SHROOM4: variants seen among roughly 807,000 people sequenced by gnomAD.
SHROOM4 encodes the protein shroom family member 4.
In SHROOM4, 17 loss-of-function variants were observed where a neutral mutation model predicts 80.3. That is an observed-to-expected ratio of 0.21 (90% CI 0.14 to 0.32). The LOEUF (loss-of-function observed/expected upper bound fraction) is 0.32, where lower values mean the gene tolerates loss of function less well. Among genes scored for constraint, SHROOM4 ranks in the 10% least tolerant of loss-of-function variants. The pLI, the probability that SHROOM4 is intolerant of heterozygous loss-of-function variation, is 1.00. For synonymous variants in SHROOM4, 400 were observed against 437.5 expected, an observed-to-expected ratio of 0.91 and a Z score of 1.07; for missense variants, 993 against 1,140.3, an observed-to-expected ratio of 0.87 and a Z score of 1.86.
chrX:50,663,394 A>G (rs782011118), intron 2 of SHROOM4, among the ~76,000 whole-genome samples: 9 of 111,164 alleles, frequency 8.1e-5, no homozygotes, highest in South Asian at 3.8e-4. Flanking sequence ...TCACCTATTA[A>G]CTTGTCCTGT....
chrX:50,648,215 T>C (rs782638962), intron 2 of SHROOM4, among the ~76,000 whole-genome samples: 9 of 111,204 alleles, frequency 8.1e-5, no homozygotes, highest in Admixed American at 6.7e-4. Flanking sequence ...TGATTAGAGG[T>C]ATTTTGAAGA....
intron 1 of SHROOM4, among the ~76,000 whole-genome samples, chrX:50,704,210 T>C (rs1334810744): frequency 2.0e-4 from 22 of 111,866 alleles, no homozygotes; most frequent in African/African-American, 7.2e-4. Flanking sequence ...ATAAAAACAC[T>C]ATAAAGAGGA....
At chrX:50,576,236 G>A in the SHROOM4 span, among the ~76,000 whole-genome samples, 1 of 111,793 alleles carries the variant, frequency 8.9e-6, no homozygotes, top group Middle Eastern at 4.6e-3. Flanking sequence ...GTGCCACTGG[G>A]CCCAACTGGA....
rs782090933 is a variant in SHROOM4 at position 50,629,706 on chromosome X, A to G, written c.2896-2031T>C. ...ATCCCATACAATTGGTAAGTGAAAT[A>G]ATTTGACAATGAATGAAAAACAAGC... On this transcript the variant is annotated intron_variant, in intron 4 of 8. Transcript: ENST00000376020. Among the ~76,000 whole-genome samples, 9 of 111,758 alleles carry G rather than the reference A, an allele frequency of 8.1e-5. No homozygotes were observed. The South Asian group carries it at 3.0e-3, about 38-fold the overall frequency.
At position 50,596,763 on chromosome X, in the gene SHROOM4, T is replaced by C. The variant is rs782186292; in HGVS notation, c.4414A>G (p.Ile1472Val). ...IIEQRELEEK[I>V]KLGEEQLKCL... is the part of the protein sequence containing the mutation. ...TTGAGTTGCTCTTCCCCGAGCTTGATCTTCTCCTCCAGCTCTCGCTGTTCA... is the reference window on the plus strand; with the variant it reads ...TTGAGTTGCTCTTCCCCGAGCTTGACCTTCTCCTCCAGCTCTCGCTGTTCA... Residue 1472 changes from isoleucine to valine, a missense_variant, in exon 9 of 9, where the codon ATC (isoleucine) becomes GTC (valine). Physicochemically the swap from Ile to Val is conservative, Grantham distance 29. Transcript: ENST00000376020. The C allele has an allele frequency of 8.3e-7, 1 of 1,212,022 alleles. No individual in the cohort carries two copies. Among genetic ancestry groups the C allele is most frequent in the South Asian group, 1.8e-5 (1 of 56,981 alleles).
At chrX:50,630,814 G>A (rs1486025771) in intron 4 of SHROOM4, among the ~76,000 whole-genome samples, 4 of 111,598 alleles carry the variant, frequency 3.6e-5, no homozygotes, top group Non-Finnish European at 5.6e-5. Context: ...CAAATTTCTT[G>A]AAAGACACAA....
chrX:50,586,694 G>A (rs782285499), downstream of SHROOM4, among the ~76,000 whole-genome samples: 4 of 111,850 alleles, frequency 3.6e-5, no homozygotes, highest in Non-Finnish European at 7.5e-5. Context: ...CAACCTTTCT[G>A]TCTAAACTAC....
Position 50,607,796 on chromosome X carries a change from G to C in SHROOM4, c.3346C>G (p.Arg1116Gly), listed in dbSNP as rs200144471. ...TGCTGCTTCTGCTGCTGGGCTGCAC[G>C]AAAGAGCCTGTACTTCTCCCAGTTG... ...PPNWEKYRLF[R>G]AAQQQKQQQQ... The change falls in exon 6 of 9, where the codon CGT (arginine) becomes GGT (glycine). Residue 1116 changes from arginine to glycine, a missense_variant. Physicochemically the swap from Arg to Gly is moderately radical, Grantham distance 125. Coordinates refer to ENST00000376020, the MANE Select transcript of SHROOM4 (RefSeq NM_020717.5). 8.3e-7 allele frequency: 1 copy of C among 1,209,182 alleles called. No individual in the cohort carries two copies. Among genetic ancestry groups the C allele is most frequent in the Non-Finnish European group, 1.1e-6 (1 of 894,016 alleles).
At chrX:50,714,484 C>G (rs73199925) in intron 1 of SHROOM4, among the ~76,000 whole-genome samples, 49 of 111,642 alleles carry the variant, frequency 4.4e-4, no homozygotes, top group Non-Finnish European at 8.3e-4. Flanking sequence ...ACCCCAAATA[C>G]ACTGACTTGA....
chrX:50,657,899 G>A (rs1480257448), intron 2 of SHROOM4, among the ~76,000 whole-genome samples: 1 of 112,310 alleles, frequency 8.9e-6, no homozygotes, highest in Non-Finnish European at 1.9e-5. Context: ...CTCCCAAGGT[G>A]ATGGTATTAA....
chrX:50,698,155 T>C (rs1483669860), intron 1 of SHROOM4, among the ~76,000 whole-genome samples: 3 of 112,500 alleles, frequency 2.7e-5, no homozygotes, highest in African/African-American at 6.5e-5. Context: ...GCAAGATCTC[T>C]GTTTATTCTA....
At chrX:50,740,295 G>A (rs986566248) in intron 1 of SHROOM4, among the ~76,000 whole-genome samples, 4 of 109,575 alleles carry the variant, frequency 3.7e-5, no homozygotes, top group African/African-American at 1.3e-4. Context: ...AAACCTGCAC[G>A]TTGTGCACAT....
chrX:50,764,531 T>C (rs1005652288), intron 1 of SHROOM4, among the ~76,000 whole-genome samples: 14 of 111,167 alleles, frequency 1.3e-4, no homozygotes, highest in African/African-American at 3.9e-4. Flanking sequence ...AAGAGCTGGG[T>C]TGGGGAGAGG....
chrX:50,632,772 C>T lies in SHROOM4; in HGVS notation c.2895+406G>A, dbSNP rs5961143. On this transcript the variant is annotated intron_variant, in intron 4 of 8. Transcript: ENST00000376020. Reference sequence around the variant, plus strand: ...TGATTCTCACAAGTGATCCATGAGGCGGCCATGATATTCCTCCATTTTAGA... The same window carrying T: ...TGATTCTCACAAGTGATCCATGAGGTGGCCATGATATTCCTCCATTTTAGA... Among the ~76,000 whole-genome samples the T allele has an allele frequency of 7.4e-3, 831 of 111,871 alleles. 6 individuals carry two copies. The highest frequency in any genetic ancestry group is 0.026 in the African/African-American group (793 of 30,811).
intron 3 of SHROOM4, 66 bp downstream of exon 3, chrX:50,638,108 A>AGAG (rs1224280322): frequency 8.7e-7 from 1 of 1,148,370 alleles, no homozygotes; most frequent in African/African-American, 1.8e-5. Context: ...GGACTAGAGC[A>AGAG]GAGGAGGAGG....
At chrX:50,659,975 T>C (rs1256362852) in intron 2 of SHROOM4, among the ~76,000 whole-genome samples, 1 of 112,483 alleles carries the variant, frequency 8.9e-6, no homozygotes, top group East Asian at 2.8e-4. Flanking sequence ...GAACTTTTTA[T>C]AGTTTATTTA....
Position 50,595,932 on chromosome X carries a change from G to A in SHROOM4, c.*763C>T, listed in dbSNP as rs1323025664. ...AGTAGAGCTATTAATGGCCCATATGGTGAAGCCCTGGGGTAGGCACCTGCG... is the reference window on the plus strand; with the variant it reads ...AGTAGAGCTATTAATGGCCCATATGATGAAGCCCTGGGGTAGGCACCTGCG... On this transcript the variant is annotated 3_prime_UTR_variant, in exon 9 of 9. Transcript: ENST00000376020. The A allele has an allele frequency of 3.1e-5, 10 of 327,756 alleles. No individual in the cohort carries two copies. Among genetic ancestry groups the A allele is most frequent in the African/African-American group, 5.3e-5 (2 of 37,635 alleles). 27.0% of individuals were successfully genotyped at this position (327,756 alleles called of 1,213,427 possible). A position where few individuals can be genotyped will look rare whatever the true frequency, so the allele number is the denominator to read the frequency against.
chrX:50,625,649 G>A (rs1194153913), intron 5 of SHROOM4, among the ~76,000 whole-genome samples: 12 of 110,106 alleles, frequency 1.1e-4, no homozygotes, highest in South Asian at 7.8e-4. Flanking sequence ...CATTTCTATC[G>A]CACCTCTACC....
At chrX:50,780,473 G>C (rs1454557427) in intron 1 of SHROOM4, among the ~76,000 whole-genome samples, 1 of 111,789 alleles carries the variant, frequency 8.9e-6, no homozygotes, top group Admixed American at 9.5e-5. Context: ...GAGGCTGAGG[G>C]AGTAAATGAG....
Sources: gnomAD v4.1 joint callset for allele counts (sites outside exome capture counted in the v4.1 genomes callset) on GRCh38, gnomAD v4.1.1 for gene constraint, MANE v1.5 for transcripts, NCBI Gene and HGNC (gene_info 2026-07-23, HGNC 2026-07-21) for gene names.